XIRP2: variants seen among roughly 807,000 people sequenced by gnomAD.
The protein encoded by XIRP2 is xin actin binding repeat containing 2.
In XIRP2, 236 loss-of-function variants were observed where a neutral mutation model predicts 277.0. That is an observed-to-expected ratio of 0.85 (90% CI 0.77 to 0.95). The LOEUF (loss-of-function observed/expected upper bound fraction) is 0.95. Among genes scored for constraint, XIRP2 ranks in the 40% least tolerant of loss-of-function variants. The pLI is 0.00. For synonymous variants in XIRP2, 1,490 were observed against 1,416.5 expected (o/e 1.05, Z -1.17); for missense variants, 4,640 against 4,157.5 (o/e 1.12, Z -3.19).
chr2:167,011,922 C>A (rs1687690326), intron 2 of XIRP2, among the ~76,000 whole-genome samples: 1 of 151,898 alleles, frequency 6.6e-6, no homozygotes, highest in South Asian at 2.1e-4. Context: ...GGTGATATTC[C>A]CTTTATCATT....
rs781513891 is a variant in XIRP2 at position 167,247,993 on chromosome 2, A to C, written c.6601A>C (p.Lys2201Gln). The C allele has an allele frequency of 1.5e-5, 24 of 1,612,426 alleles. No homozygotes were observed. The East Asian group carries it at 3.3e-4, about 22-fold the overall frequency. ...ETKYSNKDIK[K>Q]KNINLQPMWQ... ...AAAATATTCTAATAAGGATATAAAG[A>C]AAAAGAATATAAACCTTCAACCAAT... The change falls in exon 9 of 11, where the codon AAA becomes CAA. Residue 2201 changes from lysine (K) to glutamine (Q), a missense_variant. Coordinates refer to ENST00000409195, the MANE Select transcript of XIRP2 (RefSeq NM_152381.6).
chr2:167,087,735 T>C (rs1237646684), intron 2 of XIRP2, among the ~76,000 whole-genome samples: 1 of 151,622 alleles, frequency 6.6e-6, no homozygotes, highest in Non-Finnish European at 1.5e-5. Context: ...TTTCTTTGAC[T>C]CGGAAAGGGA....
chr2:166,971,475 C>A (rs116501786), intron 2 of XIRP2, among the ~76,000 whole-genome samples: 4,568 of 152,078 alleles, frequency 0.03, 97 homozygotes, highest in East Asian at 0.078. Flanking sequence ...TAGAGCACAA[C>A]ATGAATTAAT....
At chr2:166,982,086 A>G (rs532160361) in intron 2 of XIRP2, among the ~76,000 whole-genome samples, 5 of 151,968 alleles carry the variant, frequency 3.3e-5, no homozygotes, top group Admixed American at 6.5e-5. Flanking sequence ...TGTCTTTAAC[A>G]TTTTTCTTGA....
Position 167,248,496 on chromosome 2 carries a change from T to A in XIRP2, c.7104T>A (p.Pro2368=). 6.2e-7 allele frequency: 1 copy of A among 1,613,654 alleles called. No homozygotes were observed. The highest frequency in any genetic ancestry group is 1.3e-5 in the African/African-American group (1 of 74,940). The change falls in exon 9 of 11, where the codon CCT becomes CCA. Residue 2368 remains proline (P), a synonymous_variant. Coordinates refer to ENST00000409195, the MANE Select transcript of XIRP2 (RefSeq NM_152381.6). ...CATCGATGTTTCTGCCGCCTCCTCC[T>A]CCTCCAACTCCATCTCAAAAGCCAG... ...ESSSMFLPPP[P]PPTPSQKPAH... is the part of the protein sequence containing the mutation.
intron 2 of XIRP2, among the ~76,000 whole-genome samples, chr2:167,005,788 A>T (rs982295606): frequency 5.1e-5 from 6 of 117,940 alleles, no homozygotes; most frequent in Non-Finnish European, 8.8e-5. Context: ...CTCTTTATTG[A>T]TAAAAAAAAA....
Position 167,248,145 on chromosome 2 carries a change from G to T in XIRP2, c.6753G>T (p.Gln2251His). 1 of 1,613,628 alleles carries T rather than the reference G, an allele frequency of 6.2e-7. No homozygotes were observed. Among genetic ancestry groups the T allele is most frequent in the Non-Finnish European group, 8.5e-7 (1 of 1,179,802 alleles). ...KRETDVHLKS[Q>H]DFLMKTNTST... ...AGACTGATGTTCACTTGAAAAGCCA[G>T]GACTTTCTAATGAAAACAAATACTT... is the stretch of plus-strand genomic sequence containing the variant. Residue 2251 changes from glutamine to histidine, a missense_variant, in exon 9 of 11, where the codon CAG (glutamine) becomes CAT (histidine). Physicochemically the swap from Gln to His is conservative, Grantham distance 24 (BLOSUM62 0). Coordinates refer to ENST00000409195, the MANE Select transcript of XIRP2 (RefSeq NM_152381.6).
intron 3 of XIRP2, among the ~76,000 whole-genome samples, chr2:167,196,256 G>C (rs1483035788): frequency 6.6e-6 from 1 of 152,024 alleles, no homozygotes; most frequent in Non-Finnish European, 1.5e-5. Context: ...TTAAAAGTTT[G>C]GGCAACATAC....
intron 2 of XIRP2, among the ~76,000 whole-genome samples, chr2:167,001,258 G>A (rs1037923604): frequency 2.0e-5 from 3 of 151,888 alleles, no homozygotes; most frequent in South Asian, 2.1e-4. Context: ...CATCCCATCC[G>A]CCTACGTAAT....
intron 2 of XIRP2, among the ~76,000 whole-genome samples, chr2:167,080,169 G>C (rs893998035): frequency 2.6e-5 from 4 of 152,150 alleles, no homozygotes; most frequent in African/African-American, 9.7e-5. Context: ...GTGGTATTTA[G>C]CTATTGTGTT....
intron 2 of XIRP2, among the ~76,000 whole-genome samples, chr2:167,017,916 C>T (rs1348941739): frequency 6.6e-6 from 1 of 151,934 alleles, no homozygotes; most frequent in Non-Finnish European, 1.5e-5. Context: ...ACAGAAAAGA[C>T]CTTTTTACTG....
At chr2:167,169,173 T>C (rs1431829812) in intron 3 of XIRP2, among the ~76,000 whole-genome samples, 1 of 152,230 alleles carries the variant, frequency 6.6e-6, no homozygotes, top group Admixed American at 6.5e-5. Context: ...TAGTTTCTCC[T>C]TGACGGCAAA....
chr2:167,250,820 A>G lies in XIRP2; in HGVS notation c.9428A>G (p.Gln3143Arg). 6.2e-7 allele frequency: 1 copy of G among 1,613,598 alleles called. No individual in the cohort carries two copies. The highest frequency in any genetic ancestry group is 1.3e-5 in the African/African-American group (1 of 74,964). Residue 3143 changes from glutamine to arginine, a missense_variant, in exon 9 of 11, where the codon CAG (glutamine) becomes CGG (arginine). Physicochemically the swap from Gln to Arg is conservative, Grantham distance 43. Transcript: ENST00000409195. ...TENPTKNELS[Q>R]SPKKDSYVEP... ...AACCCTACTAAGAACGAGCTTTCTC[A>G]GTCCCCTAAAAAGGACAGTTATGTT...
chr2:166,956,195 G>A (rs1446558591), intron 2 of XIRP2, among the ~76,000 whole-genome samples: 1 of 151,762 alleles, frequency 6.6e-6, no homozygotes, highest in African/African-American at 2.4e-5. Context: ...AGCGTGCGTC[G>A]ATCAATCACT....
At chr2:166,917,276 G>T (rs545806022) in intron 2 of XIRP2, among the ~76,000 whole-genome samples, 1 of 152,226 alleles carries the variant, frequency 6.6e-6, no homozygotes, top group South Asian at 2.1e-4. Context: ...GAGACAAAGA[G>T]CTGCAGTTTG....
chr2:166,955,899 A>G (rs546509809), intron 2 of XIRP2, among the ~76,000 whole-genome samples: 2 of 151,776 alleles, frequency 1.3e-5, no homozygotes, highest in South Asian at 4.1e-4. Flanking sequence ...TCTTATGTCA[A>G]TAAATTTGTC....
intron 1 of XIRP2, among the ~76,000 whole-genome samples, chr2:166,898,408 T>C (rs1250168893): frequency 2.0e-5 from 3 of 152,180 alleles, no homozygotes; most frequent in Non-Finnish European, 4.4e-5. Context: ...ATGCTGGTAC[T>C]GCTGTCTGTT....
intron 3 of XIRP2, among the ~76,000 whole-genome samples, chr2:167,183,760 G>A (rs1326925025): frequency 6.7e-6 from 1 of 149,168 alleles, no homozygotes; most frequent in African/African-American, 2.5e-5. Context: ...TTTTTTTTTA[G>A]TATCAATGAC....
chr2:167,168,203 T>C (rs1692580212), intron 3 of XIRP2, among the ~76,000 whole-genome samples: 1 of 152,210 alleles, frequency 6.6e-6, no homozygotes, highest in Admixed American at 6.5e-5. Flanking sequence ...AAAAATAATA[T>C]GACTACGTGT....
Sources: allele counts gnomAD v4.1 joint callset (sites outside exome capture counted in the v4.1 genomes callset), GRCh38; gene constraint gnomAD v4.1.1; transcripts MANE v1.5; gene names NCBI Gene and HGNC (gene_info 2026-07-23, HGNC 2026-07-21).